The following FHIT variants were observed in gnomAD, a reference collection of about 807,000 sequenced individuals.
The protein encoded by FHIT is fragile histidine triad diadenosine triphosphatase, also known as bis(5'-adenosyl)-triphosphatase.
FHIT carries 19 observed loss-of-function variants against 17.9 expected under a neutral mutation model. The ratio of observed to expected loss-of-function variants is 1.06; its 90% CI spans 0.74 to 1.56. FHIT has a LOEUF of 1.56. Ranked by LOEUF, FHIT falls within the 40% of genes most tolerant of loss-of-function variation. The probability of loss-of-function intolerance (pLI) is 0.00; values close to 1 mark genes in which losing one functional copy is unlikely to be tolerated. For synonymous variants in FHIT, 81 were observed against 69.7 expected (o/e 1.16, Z -0.81); for missense variants, 248 against 189.2 (o/e 1.31, Z -1.82).
chr3:60,033,876 T>C (rs546268586), intron 5 of FHIT, among the ~76,000 whole-genome samples: 14 of 152,348 alleles, frequency 9.2e-5, no homozygotes, highest in Non-Finnish European at 1.9e-4. Flanking sequence ...ATCAACATTA[T>C]CATTTATGTT....
At chr3:59,813,528 G>C (rs181764792) in intron 8 of FHIT, among the ~76,000 whole-genome samples, 4 of 152,272 alleles carry the variant, frequency 2.6e-5, no homozygotes, top group African/African-American at 9.6e-5. Flanking sequence ...TTTGAGAGGG[G>C]ATAGAGCAAG....
intron 3 of FHIT, among the ~76,000 whole-genome samples, chr3:60,901,478 T>C (rs566053560): frequency 6.6e-6 from 1 of 151,724 alleles, no homozygotes; most frequent in Non-Finnish European, 1.5e-5. Flanking sequence ...TCACTTGCAC[T>C]TAAGAAAGGC....
intron 2 of FHIT, among the ~76,000 whole-genome samples, chr3:61,195,034 T>A (rs2038816770): frequency 6.6e-6 from 1 of 151,208 alleles, no homozygotes; most frequent in Non-Finnish European, 1.5e-5. Context: ...GTGGGGGAAG[T>A]GGAAATCAAA....
rs113989670 is a variant in FHIT at position 60,356,844 on chromosome 3, T to G, written c.103+180016A>C. Among the ~76,000 whole-genome samples the G allele has an allele frequency of 6.4e-3, 959 of 149,768 alleles. 13 individuals carry two copies. The highest frequency in any genetic ancestry group is 0.022 in the African/African-American group (900 of 40,722). ...ATAATAATTCTACCTCAAATACTTC[T>G]CTTAGGTCTTCTGCTCACATCTTTC... On this transcript the variant is annotated intron_variant, in intron 5 of 9. Coordinates refer to ENST00000492590, the MANE Select transcript of FHIT (RefSeq NM_002012.4).
At chr3:59,762,441 A>G (rs938815106) in intron 8 of FHIT, among the ~76,000 whole-genome samples, 5 of 152,124 alleles carry the variant, frequency 3.3e-5, no homozygotes, top group Non-Finnish European at 7.4e-5. Context: ...AAAACAAGGA[A>G]CTTAAATCAC....
chr3:60,029,023 CAA>C (rs1191924334), intron 5 of FHIT, among the ~76,000 whole-genome samples: 1 of 152,144 alleles, frequency 6.6e-6, no homozygotes, highest in African/African-American at 2.4e-5. Flanking sequence ...AAGAATTGTT[CAA>C]GAGACTCTCA....
At chr3:60,170,224 G>A (rs939109951) in intron 5 of FHIT, among the ~76,000 whole-genome samples, 4 of 152,138 alleles carry the variant, frequency 2.6e-5, no homozygotes, top group African/African-American at 9.7e-5. Flanking sequence ...AATCAGGTTG[G>A]CAAGTGGCTG....
chr3:60,860,227 C>T (rs1204553531), intron 3 of FHIT, among the ~76,000 whole-genome samples: 4 of 133,634 alleles, frequency 3.0e-5, no homozygotes, highest in African/African-American at 1.2e-4. Flanking sequence ...TGAGATACAT[C>T]ATATGTATAT....
chr3:59,860,495 A>C (rs1223196047), intron 8 of FHIT, among the ~76,000 whole-genome samples: 1 of 152,218 alleles, frequency 6.6e-6, no homozygotes, highest in African/African-American at 2.4e-5. Context: ...TGTTAGGTGT[A>C]ATATAATTCT....
chr3:61,160,050 A>G (rs1001609595), intron 2 of FHIT, among the ~76,000 whole-genome samples: 2 of 152,204 alleles, frequency 1.3e-5, no homozygotes, highest in Non-Finnish European at 2.9e-5. Flanking sequence ...TTTTCTTTCT[A>G]TATCACATTC....
intron 1 of FHIT, among the ~76,000 whole-genome samples, chr3:61,214,204 T>G (rs200353462): frequency 1.4e-4 from 21 of 150,032 alleles, no homozygotes; most frequent in East Asian, 2.0e-4. Context: ...TTCAAAAAAT[T>G]AATGAATCCA....
intron 7 of FHIT, among the ~76,000 whole-genome samples, chr3:60,009,943 T>C (rs1700076802): frequency 1.3e-5 from 2 of 152,236 alleles, no homozygotes; most frequent in Non-Finnish European, 2.9e-5. Flanking sequence ...AAGTTTTAGC[T>C]ATGCTTACTA....
intron 2 of FHIT, among the ~76,000 whole-genome samples, chr3:61,155,645 C>T (rs1560026223): frequency 6.6e-6 from 1 of 152,176 alleles, no homozygotes; most frequent in Non-Finnish European, 1.5e-5. Context: ...CAGCATGCTA[C>T]TTCATTCCTA....
chr3:59,785,044 A>G (rs747602318), intron 8 of FHIT, among the ~76,000 whole-genome samples: 1 of 150,558 alleles, frequency 6.6e-6, no homozygotes, highest in Non-Finnish European at 1.5e-5. Context: ...CCCGAGCAAC[A>G]AGAGAGAGAG....
intron 8 of FHIT, among the ~76,000 whole-genome samples, chr3:59,865,816 G>T (rs779766885): frequency 6.6e-6 from 1 of 152,200 alleles, no homozygotes; most frequent in Non-Finnish European, 1.5e-5. Context: ...TAGGGCTACG[G>T]TGTTCAAATT....
At chr3:60,732,628 G>A (rs2042053626) in intron 4 of FHIT, 4 of 507,058 alleles carry the variant, frequency 7.9e-6, no homozygotes, top group East Asian at 4.6e-5. Flanking sequence ...ACACGGTGGG[G>A]TTGACCATGG....
chr3:60,948,793 TGA>T (rs1192067358), intron 3 of FHIT, among the ~76,000 whole-genome samples: 1 of 152,090 alleles, frequency 6.6e-6, no homozygotes, highest in Non-Finnish European at 1.5e-5. Context: ...CCTGCAGAAA[TGA>T]GAGTCAAGTG....
At chr3:60,197,164 G>C (rs561671660) in intron 5 of FHIT, among the ~76,000 whole-genome samples, 175 of 152,254 alleles carry the variant, frequency 1.1e-3, no homozygotes, top group Non-Finnish European at 2.0e-3. Flanking sequence ...TGTCAGTCAT[G>C]ATTTCATAAA....
At chr3:60,688,733 T>C (rs529244592) in intron 4 of FHIT, among the ~76,000 whole-genome samples, 1 of 152,122 alleles carries the variant, frequency 6.6e-6, no homozygotes, top group African/African-American at 2.4e-5. Context: ...TGTCCGGCCA[T>C]GGTCAAATTA....
Sources: allele counts gnomAD v4.1 joint callset (sites outside exome capture counted in the v4.1 genomes callset), GRCh38; gene constraint gnomAD v4.1.1; transcripts MANE v1.5; gene names NCBI Gene and HGNC (gene_info 2026-07-23, HGNC 2026-07-21).